The following CTNNA3 variants were observed in gnomAD, a reference collection of about 807,000 sequenced individuals.
The protein encoded by CTNNA3 is catenin alpha-3.
Under a neutral mutation model 95.7 loss-of-function variants are expected in CTNNA3, and 76 were observed. The ratio of observed to expected loss-of-function variants is 0.79; its 90% CI spans 0.66 to 0.96. The LOEUF is 0.96. CTNNA3 is among the 40% of genes least tolerant of loss of function. CTNNA3 has a pLI of 0.00. For synonymous variants in CTNNA3, 431 were observed against 374.4 expected (o/e 1.15, Z -1.74); for missense variants, 1,191 against 1,089.8 (o/e 1.09, Z -1.31).
chr10:67,718,997 T>G (rs965426970), intron 1 of CTNNA3, among the ~76,000 whole-genome samples: 42 of 152,206 alleles, frequency 2.8e-4, no homozygotes, highest in Non-Finnish European at 4.9e-4. Flanking sequence ...TATTGGTCTA[T>G]TCAGGGATTC....
chr10:66,571,417 C>CTT (rs1173681926), intron 10 of CTNNA3, among the ~76,000 whole-genome samples: 1 of 152,084 alleles, frequency 6.6e-6, no homozygotes, highest in Non-Finnish European at 1.5e-5. Context: ...CATAATAATC[C>CTT]TGTGAGGAAA....
intron 12 of CTNNA3, among the ~76,000 whole-genome samples, chr10:66,289,531 T>C (rs1191397441): frequency 6.6e-6 from 1 of 151,754 alleles, no homozygotes; most frequent in African/African-American, 2.4e-5. Context: ...TGAATAGAAA[T>C]TGATTGTAAA....
chr10:66,399,690 A>G (rs1021109722), intron 11 of CTNNA3, among the ~76,000 whole-genome samples: 1 of 152,010 alleles, frequency 6.6e-6, no homozygotes, highest in African/African-American at 2.4e-5. Context: ...TTGCTGTATA[A>G]GACCTAATAT....
At chr10:67,469,664 T>C (rs1015276937) in intron 5 of CTNNA3, among the ~76,000 whole-genome samples, 2 of 152,098 alleles carry the variant, frequency 1.3e-5, no homozygotes, top group African/African-American at 2.4e-5. Flanking sequence ...ATGTCAATGA[T>C]GGGTTGATGG....
At chr10:66,061,997 T>A (rs1001593854) in intron 15 of CTNNA3, among the ~76,000 whole-genome samples, 1 of 152,122 alleles carries the variant, frequency 6.6e-6, no homozygotes, top group Admixed American at 6.6e-5. Context: ...TGTTGTACAA[T>A]GGGTAGGTGC....
chr10:67,714,104 G>C (rs1184041614), intron 1 of CTNNA3, among the ~76,000 whole-genome samples: 1 of 152,192 alleles, frequency 6.6e-6, no homozygotes, highest in Non-Finnish European at 1.5e-5. Context: ...GGAAATGTGG[G>C]ACTGGAGCCC....
intron 5 of CTNNA3, among the ~76,000 whole-genome samples, chr10:67,341,558 T>C (rs1236273847): frequency 1.3e-5 from 2 of 152,220 alleles, no homozygotes; most frequent in African/African-American, 4.8e-5. Flanking sequence ...ACTACTCCAT[T>C]GTGTATATGT....
intron 9 of CTNNA3, among the ~76,000 whole-genome samples, chr10:66,762,951 C>T (rs1048554167): frequency 1.3e-5 from 2 of 151,956 alleles, no homozygotes; most frequent in African/African-American, 4.8e-5. Context: ...AAAACAAAGA[C>T]ATGTTGATAA....
intron 5 of CTNNA3, among the ~76,000 whole-genome samples, chr10:67,381,336 C>A (rs1181896834): frequency 6.6e-6 from 1 of 152,180 alleles, no homozygotes; most frequent in Admixed American, 6.5e-5. Context: ...TCTATAAATT[C>A]AATCTTCTTA....
chr10:66,614,851 T>C (rs967154169), intron 10 of CTNNA3, among the ~76,000 whole-genome samples: 6 of 151,980 alleles, frequency 3.9e-5, no homozygotes, highest in African/African-American at 1.4e-4. Flanking sequence ...AAAATCTAAG[T>C]ACTTAGGAGG....
chr10:66,947,547 C>T (rs994827678), intron 7 of CTNNA3, among the ~76,000 whole-genome samples: 2 of 152,032 alleles, frequency 1.3e-5, no homozygotes, highest in East Asian at 1.9e-4. Context: ...TCTCCCTCTC[C>T]CCTGCTGAAA....
chr10:66,473,087 T>C (rs1839192968), intron 11 of CTNNA3, among the ~76,000 whole-genome samples: 1 of 151,992 alleles, frequency 6.6e-6, no homozygotes, highest in African/African-American at 2.4e-5. Flanking sequence ...TTGATACACA[T>C]ATATAGTGTA....
chr10:66,003,528 A>G (rs796514394), intron 15 of CTNNA3, among the ~76,000 whole-genome samples: 25 of 152,240 alleles, frequency 1.6e-4, no homozygotes, highest in African/African-American at 5.8e-4. Context: ...ATGGAGGGGG[A>G]AAAATCCCAA....
chr10:67,081,853 T>C (rs972053676), intron 7 of CTNNA3, among the ~76,000 whole-genome samples: 1 of 152,206 alleles, frequency 6.6e-6, no homozygotes, highest in Non-Finnish European at 1.5e-5. Context: ...GATCATGCCC[T>C]CCTCTGGAGC....
intron 15 of CTNNA3, among the ~76,000 whole-genome samples, chr10:65,995,933 T>C (rs2078647145): frequency 6.6e-6 from 1 of 152,086 alleles, no homozygotes; most frequent in African/African-American, 2.4e-5. Context: ...GCCTCCTCCA[T>C]TGTGCACACA....
At chr10:67,064,921 C>A (rs1380580263) in intron 7 of CTNNA3, among the ~76,000 whole-genome samples, 2 of 152,060 alleles carry the variant, frequency 1.3e-5, no homozygotes, top group African/African-American at 4.8e-5. Flanking sequence ...TTATATGAGG[C>A]AAGAAGAACT....
intron 11 of CTNNA3, among the ~76,000 whole-genome samples, chr10:66,427,869 A>T (rs1340461536): frequency 6.6e-6 from 1 of 152,160 alleles, no homozygotes; most frequent in African/African-American, 2.4e-5. Context: ...ACAAGCTAAC[A>T]TCATAATGAC....
intron 7 of CTNNA3, among the ~76,000 whole-genome samples, chr10:67,132,104 G>C (rs1299460678): frequency 1.3e-5 from 2 of 152,078 alleles, no homozygotes; most frequent in African/African-American, 4.8e-5. Context: ...GACAAGGATA[G>C]AGCAAAATTA....
At chr10:67,306,504 A>G (rs933696125) in intron 5 of CTNNA3, among the ~76,000 whole-genome samples, 1 of 152,212 alleles carries the variant, frequency 6.6e-6, no homozygotes, top group Non-Finnish European at 1.5e-5. Flanking sequence ...ATGTAGCTAA[A>G]GATGACATCC....
Sources: allele counts gnomAD v4.1 joint callset (sites outside exome capture counted in the v4.1 genomes callset), GRCh38; gene constraint gnomAD v4.1.1; transcripts MANE v1.5; gene names NCBI Gene and HGNC (gene_info 2026-07-23, HGNC 2026-07-21).